Variants in MYO6 observed in about 807,000 individuals in gnomAD.
The protein encoded by MYO6 is unconventional myosin-VI.
MYO6 carries 74 observed loss-of-function variants against 178.7 expected under a neutral mutation model. The observed-to-expected ratio is 0.41, with a 90% confidence interval of 0.34 to 0.50. The LOEUF (loss-of-function observed/expected upper bound fraction) is 0.50. Among genes scored for constraint, MYO6 ranks in the 20% least tolerant of loss-of-function variants. The pLI, the probability that MYO6 is intolerant of heterozygous loss-of-function variation, is 0.09. For missense variants in MYO6, 1,330 were observed against 1,547.4 expected (o/e 0.86, Z 2.36); for synonymous variants, 477 against 504.6 (o/e 0.95, Z 0.73).
intron 13 of MYO6, 87 bp from the exon 14 acceptor site, chr6:75,858,815 C>T (rs1775948388): frequency 5.2e-6 from 4 of 767,660 alleles, no homozygotes; most frequent in Non-Finnish European, 4.4e-6. Flanking sequence ...TTAAATTAAG[C>T]CATTATTACA....
At chr6:75,896,116 G>A (rs901002835) in intron 29 of MYO6, among the ~76,000 whole-genome samples, 6 of 151,786 alleles carry the variant, frequency 4.0e-5, no homozygotes, top group African/African-American at 4.8e-5. Flanking sequence ...TAAGGATTTT[G>A]GAATATATAT....
chr6:75,769,076 T>G (rs980573729), intron 1 of MYO6, among the ~76,000 whole-genome samples: 6 of 152,184 alleles, frequency 3.9e-5, no homozygotes, highest in African/African-American at 1.4e-4. Flanking sequence ...CACTCACTCA[T>G]TTGTGGGGGT....
chr6:75,856,612 G>T (rs1334945239), intron 12 of MYO6, among the ~76,000 whole-genome samples: 1 of 151,746 alleles, frequency 6.6e-6, no homozygotes, highest in Non-Finnish European at 1.5e-5. Context: ...GAGGACAATG[G>T]CTCTGTGTCT....
At chr6:75,899,011 A>G (rs1418643716) in intron 30 of MYO6, among the ~76,000 whole-genome samples, 1 of 152,228 alleles carries the variant, frequency 6.6e-6, no homozygotes, top group East Asian at 1.9e-4. Flanking sequence ...TCAGTTTGCT[A>G]CTATTGTATT....
chr6:75,829,407 C>T (rs1350782362), intron 4 of MYO6, among the ~76,000 whole-genome samples: 3 of 151,950 alleles, frequency 2.0e-5, no homozygotes, highest in African/African-American at 2.4e-5. Flanking sequence ...TATTTTTGAA[C>T]GAAGAAAACA....
Position 75,840,566 on chromosome 6 carries a change from T to C in MYO6, c.554-19T>C, listed in dbSNP as rs1237526445. 6.4e-7 allele frequency: 1 copy of C among 1,564,572 alleles called. No individual in the cohort carries two copies. Among genetic ancestry groups the C allele is most frequent in the East Asian group, 2.2e-5 (1 of 44,576 alleles). On this transcript the variant is annotated intron_variant, in intron 7 of 34. Transcript: ENST00000369977. Reference sequence around the variant, plus strand: ...TCCGTCATGCTAATTTTTTGATGGATTTTTTTGTTTCTCAATAGCTAACCC... The same window carrying C: ...TCCGTCATGCTAATTTTTTGATGGACTTTTTTGTTTCTCAATAGCTAACCC...
chr6:75,768,699 C>T (rs1778659379), intron 1 of MYO6, among the ~76,000 whole-genome samples: 1 of 151,938 alleles, frequency 6.6e-6, no homozygotes, highest in South Asian at 2.1e-4. Context: ...CATTTTAATA[C>T]CTTCAAGGGA....
At position 75,895,264 on chromosome 6, in the gene MYO6, T is replaced by A; in HGVS notation, c.3137+4T>A. On this transcript the variant is annotated splice_donor_region_variant and intron_variant, in intron 29 of 34. Coordinates refer to ENST00000369977, the MANE Select transcript of MYO6 (RefSeq NM_004999.4). ...GAACAAGACCCAAAATGACACCGTA[T>A]GTCACTTACCTTTACCTTTTTAAAA... 6.2e-7 allele frequency: 1 copy of A among 1,605,250 alleles called. No homozygotes were observed. The highest frequency in any genetic ancestry group is 8.5e-7 in the Non-Finnish European group (1 of 1,172,676).
chr6:75,808,517 T>C (rs1439588781), intron 1 of MYO6, among the ~76,000 whole-genome samples: 2 of 152,172 alleles, frequency 1.3e-5, no homozygotes, highest in South Asian at 2.1e-4. Flanking sequence ...CTTAAACATA[T>C]GAATTTGGGG....
intron 14 of MYO6, 60 bp from the exon 15 acceptor site, chr6:75,860,963 T>C (rs2149293905): frequency 8.3e-7 from 1 of 1,207,384 alleles, no homozygotes. Flanking sequence ...TCAGAAACAG[T>C]GCAAAATTCA....
chr6:75,778,439 C>CA lies in MYO6; in HGVS notation c.-48+29024dup, dbSNP rs397886444. On this transcript the variant is annotated intron_variant, in intron 1 of 34. Coordinates refer to ENST00000369977, the MANE Select transcript of MYO6 (RefSeq NM_004999.4). ...GAAACCCCGTCTCTACTAAAAAATA[C>CA]AAAAAAAATTAGCCGGGCGTGATGG... 0.012 allele frequency among the ~76,000 whole-genome samples: 1,890 copies of CA among 151,382 alleles called. 61 individuals are homozygous for CA. In the East Asian group the frequency reaches 0.13, roughly 11 times the overall value.
intron 11 of MYO6, among the ~76,000 whole-genome samples, chr6:75,848,875 C>T (rs1774988793): frequency 6.6e-6 from 1 of 151,934 alleles, no homozygotes. Context: ...TCTCTATCAT[C>T]TATTAAGGCA....
chr6:75,884,781 A>G (rs1778301884), intron 23 of MYO6, among the ~76,000 whole-genome samples: 1 of 152,124 alleles, frequency 6.6e-6, no homozygotes, highest in Non-Finnish European at 1.5e-5. Context: ...CGGATTACCT[A>G]TCTAGGTGGC....
At position 75,873,204 on chromosome 6, in the gene MYO6, T is replaced by C. The variant is rs1460835886; in HGVS notation, c.1984-3T>C. 1.9e-6 allele frequency: 3 copies of C among 1,613,116 alleles called. No individual in the cohort carries two copies. The highest frequency in any genetic ancestry group is 2.7e-5 in the African/African-American group (2 of 74,904). On this transcript the variant is annotated splice_polypyrimidine_tract_variant and splice_region_variant and intron_variant, in intron 19 of 34. Coordinates refer to ENST00000369977, the MANE Select transcript of MYO6 (RefSeq NM_004999.4). ...GTAACAAAAAGTACCTTTATTTTCCTAGGGAGCAAGCTTTATTCGTTGCAT... is the reference window on the plus strand; with the variant it reads ...GTAACAAAAAGTACCTTTATTTTCCCAGGGAGCAAGCTTTATTCGTTGCAT...
intron 23 of MYO6, 114 bp downstream of exon 23, chr6:75,881,932 C>A: frequency 1.6e-6 from 2 of 1,219,776 alleles, no homozygotes; most frequent in Non-Finnish European, 2.4e-6. Context: ...GACTTGTTCA[C>A]ACTGGGTCCC....
chr6:75,859,821 G>A (rs199538872), intron 14 of MYO6, among the ~76,000 whole-genome samples: 16 of 151,950 alleles, frequency 1.1e-4, no homozygotes, highest in East Asian at 3.9e-4. Flanking sequence ...CACCATGGCC[G>A]GCTAATTTTT....
rs560412320 is a variant in MYO6 at position 75,911,710 on chromosome 6, G to T, written c.3439+12G>T. On this transcript the variant is annotated intron_variant, in intron 33 of 34. Coordinates refer to ENST00000369977, the MANE Select transcript of MYO6 (RefSeq NM_004999.4). ...TTTGAACAATTCACGTAAGTCAATGGGTGGTAACTCATGAGCTAACTGGAA... is the reference window on the plus strand; with the variant it reads ...TTTGAACAATTCACGTAAGTCAATGTGTGGTAACTCATGAGCTAACTGGAA... The T allele has an allele frequency of 6.2e-7, 1 of 1,609,602 alleles. No homozygotes were observed. The highest frequency in any genetic ancestry group is 1.3e-5 in the African/African-American group (1 of 74,744).
At chr6:75,830,182 T>G (rs2150211732) in intron 4 of MYO6, among the ~76,000 whole-genome samples, 1 of 152,296 alleles carries the variant, frequency 6.6e-6, no homozygotes, top group South Asian at 2.1e-4. Flanking sequence ...AGTTTGGATA[T>G]GCCGAACTAA....
chr6:75,781,832 C>T (rs956719505), intron 1 of MYO6, among the ~76,000 whole-genome samples: 2 of 144,070 alleles, frequency 1.4e-5, no homozygotes, highest in African/African-American at 2.6e-5. Context: ...GCAGGAGAAT[C>T]ACTTGAACCT....
Sources: allele counts gnomAD v4.1 joint callset (sites outside exome capture counted in the v4.1 genomes callset), GRCh38; gene constraint gnomAD v4.1.1; transcripts MANE v1.5; gene names NCBI Gene and HGNC (gene_info 2026-07-23, HGNC 2026-07-21).